The following TMEM108 variants were observed in gnomAD, a reference collection of about 807,000 sequenced individuals.
TMEM108 encodes the protein transmembrane protein 108, also known as cancer/testis antigen 124.
TMEM108 carries 12 observed loss-of-function variants against 35.1 expected under a neutral mutation model. The ratio of observed to expected loss-of-function variants is 0.34; its 90% CI spans 0.22 to 0.55. The LOEUF is 0.55. TMEM108 is among the 20% of genes least tolerant of loss of function. The pLI, the probability that TMEM108 is intolerant of heterozygous loss-of-function variation, is 0.89. For synonymous variants in TMEM108, 287 were observed against 308.6 expected (o/e 0.93, Z 0.73); for missense variants, 680 against 753.3 (o/e 0.90, Z 1.14).
chr3:133,231,547 T>TTGGGCAAGGCTTAGAAGATTTATTATGAA (rs1485460530), intron 3 of TMEM108, among the ~76,000 whole-genome samples: 25 of 152,162 alleles, frequency 1.6e-4, no homozygotes, highest in Non-Finnish European at 3.4e-4. Context: ...AGTATGAGGC[T>TTGGGCAAGGCTTAGAAGATTTATTATGAA]TGGGCAAGGC....
At chr3:133,105,783 C>G (rs1944143010) in intron 2 of TMEM108, among the ~76,000 whole-genome samples, 1 of 152,178 alleles carries the variant, frequency 6.6e-6, no homozygotes, top group South Asian at 2.1e-4. Flanking sequence ...GTTTTTGAAC[C>G]TGAGTACTTT....
At chr3:133,067,262 C>T (rs1247535748) in intron 2 of TMEM108, among the ~76,000 whole-genome samples, 2 of 152,040 alleles carry the variant, frequency 1.3e-5, no homozygotes, top group East Asian at 1.9e-4. Context: ...AAGAGGAGCT[C>T]GTGTGCTTCA....
intron 2 of TMEM108, among the ~76,000 whole-genome samples, chr3:133,161,056 C>T (rs947232214): frequency 2.6e-5 from 4 of 152,186 alleles, no homozygotes; most frequent in African/African-American, 9.6e-5. Context: ...GCTTAAAATC[C>T]TCCAGTGACT....
chr3:133,302,126 C>G lies in TMEM108; in HGVS notation c.40+72775C>G, dbSNP rs570100815. Among the ~76,000 whole-genome samples, 5 of 152,330 alleles carry G rather than the reference C, an allele frequency of 3.3e-5. No homozygotes were observed. The East Asian group carries it at 9.6e-4, about 29-fold the overall frequency. ...CCACTATCATTGTCTAAAGCTCAAA[C>G]TGGCTCTTAAATCTAGTGAATCCAT... On this transcript the variant is annotated intron_variant, in intron 3 of 5. Transcript: ENST00000321871.
intron 2 of TMEM108, among the ~76,000 whole-genome samples, chr3:133,105,342 A>G (rs1944136798): frequency 6.6e-6 from 1 of 152,124 alleles, no homozygotes; most frequent in South Asian, 2.1e-4. Flanking sequence ...CAAAGCTAGC[A>G]ATGGTGGGTT....
intron 2 of TMEM108, among the ~76,000 whole-genome samples, chr3:133,190,571 A>C (rs1288916855): frequency 6.6e-6 from 1 of 152,240 alleles, no homozygotes; most frequent in African/African-American, 2.4e-5. Context: ...AGATGGTGGA[A>C]CCAGTCCTAT....
intron 1 of TMEM108, among the ~76,000 whole-genome samples, chr3:133,045,211 G>T (rs1028122559): frequency 6.6e-6 from 1 of 152,012 alleles, no homozygotes; most frequent in Non-Finnish European, 1.5e-5. Flanking sequence ...CTTGTGATCC[G>T]CCCACCTCAA....
intron 2 of TMEM108, among the ~76,000 whole-genome samples, chr3:133,091,134 T>C (rs1208057031): frequency 6.6e-6 from 1 of 152,218 alleles, no homozygotes; most frequent in Non-Finnish European, 1.5e-5. Context: ...CTACTGACAC[T>C]GTTACTGTTA....
chr3:133,348,736 C>A (rs2071896571), intron 3 of TMEM108, among the ~76,000 whole-genome samples: 1 of 152,124 alleles, frequency 6.6e-6, no homozygotes, highest in South Asian at 2.1e-4. Context: ...AACAATGAGC[C>A]ATCAGCATCC....
chr3:133,167,691 G>A (rs558227794), intron 2 of TMEM108, among the ~76,000 whole-genome samples: 43 of 152,326 alleles, frequency 2.8e-4, no homozygotes, highest in Admixed American at 7.8e-4. Flanking sequence ...TCGGAGTGTG[G>A]GGCCCGCCGA....
intron 2 of TMEM108, among the ~76,000 whole-genome samples, chr3:133,074,808 A>G (rs148502461): frequency 2.1e-3 from 318 of 152,324 alleles, no homozygotes; most frequent in African/African-American, 7.2e-3. Flanking sequence ...ATTTTATAAT[A>G]AAGTTTTTAT....
chr3:133,211,373 G>A (rs1422052928), intron 2 of TMEM108, among the ~76,000 whole-genome samples: 1 of 152,034 alleles, frequency 6.6e-6, no homozygotes, highest in South Asian at 2.1e-4. Flanking sequence ...ATATTTTTCA[G>A]GCATTGCAAA....
At chr3:133,176,126 C>A (rs1945223827) in intron 2 of TMEM108, among the ~76,000 whole-genome samples, 1 of 149,770 alleles carries the variant, frequency 6.7e-6, no homozygotes, top group Non-Finnish European at 1.5e-5. Flanking sequence ...AGCTAACTAT[C>A]CTAAATACAT....
At chr3:133,366,963 G>A (rs944464950) in intron 3 of TMEM108, among the ~76,000 whole-genome samples, 1 of 152,186 alleles carries the variant, frequency 6.6e-6, no homozygotes, top group Non-Finnish European at 1.5e-5. Flanking sequence ...GTGATGAGCT[G>A]GATAGAACTG....
intron 3 of TMEM108, among the ~76,000 whole-genome samples, chr3:133,273,515 T>C (rs1009033081): frequency 6.6e-6 from 1 of 152,172 alleles, no homozygotes; most frequent in African/African-American, 2.4e-5. Context: ...AGGACTGACG[T>C]AGGAAGCAGG....
intron 2 of TMEM108, among the ~76,000 whole-genome samples, chr3:133,205,258 A>G (rs917602092): frequency 4.0e-5 from 6 of 151,884 alleles, no homozygotes; most frequent in East Asian, 1.9e-4. Flanking sequence ...ACTCTATCCA[A>G]TTTGCCAGTC....
chr3:133,121,346 C>G (rs1297156287), intron 2 of TMEM108, among the ~76,000 whole-genome samples: 1 of 152,180 alleles, frequency 6.6e-6, no homozygotes, highest in African/African-American at 2.4e-5. Flanking sequence ...TAAACACCAA[C>G]TCCTAATTTG....
At chr3:133,249,595 A>G (rs187940533) in intron 3 of TMEM108, among the ~76,000 whole-genome samples, 140 of 152,306 alleles carry the variant, frequency 9.2e-4, no homozygotes, top group African/African-American at 3.3e-3. Context: ...TTCACTTAGT[A>G]TAATAGCCTG....
At chr3:133,198,767 T>C (rs1440350362) in intron 2 of TMEM108, among the ~76,000 whole-genome samples, 1 of 152,214 alleles carries the variant, frequency 6.6e-6, no homozygotes. Context: ...TGTCTTGGCA[T>C]TGCTCTTCTC....
Sources: gnomAD v4.1 joint callset for allele counts (sites outside exome capture counted in the v4.1 genomes callset) on GRCh38, gnomAD v4.1.1 for gene constraint, MANE v1.5 for transcripts, NCBI Gene and HGNC (gene_info 2026-07-23, HGNC 2026-07-21) for gene names.